SERPINF1: variants seen among roughly 807,000 people sequenced by gnomAD.
The protein encoded by SERPINF1 is pigment epithelium-derived factor.
SERPINF1 carries 29 observed loss-of-function variants against 37.3 expected under a neutral mutation model. The observed-to-expected ratio is 0.78, with a 90% CI of 0.58 to 1.06. The LOEUF (loss-of-function observed/expected upper bound fraction) is 1.06, where lower values mean the gene tolerates loss of function less well. Ranked by LOEUF, SERPINF1 falls within the 50% of genes least tolerant of loss-of-function variation. The pLI is 0.00. For missense variants in SERPINF1, 553 were observed against 532.2 expected, an observed-to-expected ratio of 1.04 and a Z score of -0.38; for synonymous variants, 281 against 227.9, an observed-to-expected ratio of 1.23 and a Z score of -2.10.
At chr17:1,776,771 TG>T in intron 7 of SERPINF1, 29 bp downstream of exon 7, 1 of 1,606,110 alleles carries the variant, frequency 6.2e-7, no homozygotes, top group Non-Finnish European at 8.5e-7. Flanking sequence ...TCGCTCTTGG[TG>T]GGTGGATGGG....
intron 6 of SERPINF1, among the ~76,000 whole-genome samples, chr17:1,776,279 T>C (rs1908024582): frequency 6.6e-6 from 1 of 152,218 alleles, no homozygotes; most frequent in South Asian, 2.1e-4. Flanking sequence ...GAGAACATTC[T>C]TTCAGCAGAC....
chr17:1,772,375 C>T (rs2151209466), intron 5 of SERPINF1, among the ~76,000 whole-genome samples: 1 of 152,182 alleles, frequency 6.6e-6, no homozygotes, highest in South Asian at 2.1e-4. Flanking sequence ...CTCAGCCTCC[C>T]AAAGTGCTAG....
At chr17:1,769,404 G>C (rs986433726) in intron 2 of SERPINF1, among the ~76,000 whole-genome samples, 2 of 122,954 alleles carry the variant, frequency 1.6e-5, no homozygotes, top group South Asian at 2.3e-4. Context: ...GCGAGACTCC[G>C]TCTCAAAAAA....
chr17:1,765,786 G>A lies in SERPINF1; in HGVS notation c.-8-1117G>A, dbSNP rs77563232. 5.7e-3 allele frequency among the ~76,000 whole-genome samples: 862 copies of A among 150,040 alleles called. 42 individuals carry two copies. The East Asian group carries it at 0.13, about 22-fold the overall frequency. ...GCAGGAGGATCACATGAGGTCAGGA[G>A]TTCCAGGCTGTGGAGTGCTATGGTT... is the stretch of plus-strand genomic sequence containing the variant. On this transcript the variant is annotated intron_variant, in intron 1 of 7. Coordinates refer to ENST00000254722, the MANE Select transcript of SERPINF1 (RefSeq NM_002615.7).
At chr17:1,766,116 C>T (rs969590300) in intron 1 of SERPINF1, among the ~76,000 whole-genome samples, 1 of 152,154 alleles carries the variant, frequency 6.6e-6, no homozygotes, top group Admixed American at 6.6e-5. Context: ...GCCCCATTCT[C>T]CTGGGAGGGG....
rs780619070 is a variant in SERPINF1 at position 1,774,225 on chromosome 17, C to T, written c.644-833C>T. Reference sequence around the variant, plus strand: ...TTCTTTTGTTTTTGAGATGGAGTTTCGCTCTTTTTGCCTAGGCTGGAGTGC... The same window carrying T: ...TTCTTTTGTTTTTGAGATGGAGTTTTGCTCTTTTTGCCTAGGCTGGAGTGC... On this transcript the variant is annotated intron_variant, in intron 5 of 7. Transcript: ENST00000254722. Among the ~76,000 whole-genome samples, 11 of 152,110 alleles carry T rather than the reference C, an allele frequency of 7.2e-5. No homozygotes were observed. The East Asian group carries it at 9.6e-4, about 13-fold the overall frequency.
rs748966065 is a variant in SERPINF1, at chr17:1,775,192, A to G, written c.778A>G (p.Ser260Gly). The change falls in exon 6 of 8, where the codon AGC becomes GGC. Residue 260 changes from serine (S) to glycine (G), a missense_variant. By Grantham distance (56) the Ser-to-Gly change is moderately conservative. Transcript: ENST00000254722. The stretch of plus-strand genomic sequence containing the variant: ...ACGCTATGGCTTGGATTCAGATCTC[A>G]GCTGCAAGGTCTGTAGGGATAGGGG... ...VLRYGLDSDLSCKIAQLPLTG... is the reference protein window; with the variant it reads ...VLRYGLDSDLGCKIAQLPLTG... 7.5e-6 allele frequency: 12 copies of G among 1,606,972 alleles called. No individual in the cohort carries two copies. Among genetic ancestry groups the G allele is most frequent in the Middle Eastern group, 1.7e-4 (1 of 5,982 alleles).
At chr17:1,765,664 AAG>A (rs1007132785) in intron 1 of SERPINF1, among the ~76,000 whole-genome samples, 10 of 152,008 alleles carry the variant, frequency 6.6e-5, no homozygotes, top group Admixed American at 1.3e-4. Flanking sequence ...TCCATTTTAC[AAG>A]AGAAAAAATG....
chr17:1,768,644 T>C (rs1370294384), intron 2 of SERPINF1, among the ~76,000 whole-genome samples: 2 of 151,392 alleles, frequency 1.3e-5, no homozygotes, highest in Non-Finnish European at 2.9e-5. Context: ...CAGCTAATTT[T>C]TTGGGTATTT....
At position 1,775,122 on chromosome 17, in the gene SERPINF1, G is replaced by C. The variant is rs1278705029; in HGVS notation, c.708G>C (p.Glu236Asp). Residue 236 changes from glutamate to aspartate, a missense_variant, in exon 6 of 8, where the codon GAG becomes GAC. Glu to Asp is a conservative substitution (Grantham distance 45). Coordinates refer to ENST00000254722, the MANE Select transcript of SERPINF1 (RefSeq NM_002615.7). ...TSLEDFYLDE[E>D]RTVRVPMMSD... ...TCGAGGATTTCTACTTGGATGAAGA[G>C]AGGACCGTGAGGGTCCCCATGATGT... The C allele has an allele frequency of 6.2e-7, 1 of 1,614,080 alleles. No individual in the cohort carries two copies. The highest frequency in any genetic ancestry group is 1.7e-5 in the Admixed American group (1 of 59,990).
rs775386651 is a variant in SERPINF1 at position 1,775,218 on chromosome 17, C to A, written c.786+18C>A. On this transcript the variant is annotated intron_variant, in intron 6 of 7. Coordinates refer to ENST00000254722, the MANE Select transcript of SERPINF1 (RefSeq NM_002615.7). ...GCTGCAAGGTCTGTAGGGATAGGGG[C>A]AGGGTGGGGGGTGGATGGAGGGAGA... 7 of 1,597,804 alleles carry A rather than the reference C, an allele frequency of 4.4e-6. No individual in the cohort carries two copies. Among genetic ancestry groups the A allele is most frequent in the South Asian group, 1.1e-5 (1 of 90,700 alleles).
At chr17:1,764,556 C>T (rs1907259470) in intron 1 of SERPINF1, among the ~76,000 whole-genome samples, 1 of 152,228 alleles carries the variant, frequency 6.6e-6, no homozygotes, top group South Asian at 2.1e-4. Flanking sequence ...AGAAAGAAAA[C>T]CAGGCTGCTT....
At chr17:1,762,880 A>AGGG (rs1056125978) in intron 1 of SERPINF1, 9 of 152,306 alleles carry the variant, frequency 5.9e-5, no homozygotes, top group Non-Finnish European at 1.3e-4. Flanking sequence ...AGCCACTGGG[A>AGGG]GGGGTAGGTC....
intron 5 of SERPINF1, 95 bp from the exon 6 acceptor site, chr17:1,774,963 G>A (rs1342297504): frequency 3.6e-5 from 55 of 1,536,190 alleles, no homozygotes; most frequent in South Asian, 2.5e-4. Flanking sequence ...CCCTTGAGTG[G>A]GGCAATTTTC....
chr17:1,764,845 C>CTTT (rs11483374), intron 1 of SERPINF1, among the ~76,000 whole-genome samples: 10 of 132,148 alleles, frequency 7.6e-5, no homozygotes, highest in South Asian at 2.3e-4. Flanking sequence ...TTTTTTTTTC[C>CTTT]TTTTTTTTTT....
Position 1,777,484 on chromosome 17 carries a change from C to T in SERPINF1, c.*38C>T. ...ATATTCCAATACCCTAGAAGAAAAC[C>T]CGAGGGACAGCAGATTCCACAGGAC... On this transcript the variant is annotated 3_prime_UTR_variant, in exon 8 of 8. Transcript: ENST00000254722. The T allele has an allele frequency of 6.2e-7, 1 of 1,613,406 alleles. No individual in the cohort carries two copies. Among genetic ancestry groups the T allele is most frequent in the Non-Finnish European group, 8.5e-7 (1 of 1,179,900 alleles).
intron 1 of SERPINF1, among the ~76,000 whole-genome samples, chr17:1,763,481 A>G (rs567365504): frequency 5.8e-4 from 88 of 152,292 alleles, no homozygotes; most frequent in African/African-American, 1.9e-3. Context: ...TTTGGACAGG[A>G]TGGCATCATT....
In SERPINF1 at chr17:1,777,423, A is replaced by T; in HGVS notation, c.1234A>T (p.Ile412Phe). 1 of 1,614,152 alleles carries T rather than the reference A, an allele frequency of 6.2e-7. No homozygotes were observed. The highest frequency in any genetic ancestry group is 8.5e-7 in the Non-Finnish European group (1 of 1,180,024). The change falls in exon 8 of 8, where the codon ATT (isoleucine) becomes TTT (phenylalanine). Residue 412 changes from isoleucine (I) to phenylalanine (F), a missense_variant. Coordinates refer to ENST00000254722, the MANE Select transcript of SERPINF1 (RefSeq NM_002615.7). Reference sequence around the variant, plus strand: ...AGGGGCCCTTCTCTTCATTGGCAAGATTCTGGACCCCAGGGGCCCCTAATA... The same window carrying T: ...AGGGGCCCTTCTCTTCATTGGCAAGTTTCTGGACCCCAGGGGCCCCTAATA... ...DTGALLFIGK[I>F]LDPRGP
chr17:1,768,447 G>A (rs866400490), intron 2 of SERPINF1, among the ~76,000 whole-genome samples: 68 of 116,450 alleles, frequency 5.8e-4, no homozygotes, highest in African/African-American at 1.6e-3. Flanking sequence ...AAAAAAAAAA[G>A]AAAGAAAGAA....
Sources: gnomAD v4.1 joint callset for allele counts (sites outside exome capture counted in the v4.1 genomes callset) on GRCh38, gnomAD v4.1.1 for gene constraint, MANE v1.5 for transcripts, NCBI Gene and HGNC (gene_info 2026-07-23, HGNC 2026-07-21) for gene names.